Variants in PDE3B observed in about 807,000 individuals in gnomAD.
The protein encoded by PDE3B is phosphodiesterase 3B.
In PDE3B, 66 loss-of-function variants were observed where a neutral mutation model predicts 116.8. The ratio of observed to expected loss-of-function variants is 0.56; its 90% CI spans 0.46 to 0.69. The LOEUF (loss-of-function observed/expected upper bound fraction) is 0.69. PDE3B is among the 30% of genes least tolerant of loss of function. The pLI is 0.00. For synonymous variants in PDE3B, 595 were observed against 533.6 expected (o/e 1.12, Z -1.59); for missense variants, 1,384 against 1,368.1 (o/e 1.01, Z -0.18).
intron 2 of PDE3B, among the ~76,000 whole-genome samples, chr11:14,780,405 A>T (rs1264650511): frequency 6.6e-6 from 1 of 152,198 alleles, no homozygotes. Context: ...AATTGACCAC[A>T]TAGTTGGAAG....
chr11:14,850,115 G>T (rs1040810728), intron 12 of PDE3B, among the ~76,000 whole-genome samples: 17 of 152,212 alleles, frequency 1.1e-4, no homozygotes, highest in Middle Eastern at 3.4e-3. Flanking sequence ...TAGACTGGAT[G>T]AAGAAAATGT....
At chr11:14,820,307 G>A (rs1203126294) in intron 7 of PDE3B, among the ~76,000 whole-genome samples, 1 of 149,418 alleles carries the variant, frequency 6.7e-6, no homozygotes, top group East Asian at 2.0e-4. Flanking sequence ...GATACATGCT[G>A]CAACATAGAT....
chr11:14,794,290 C>A (rs1475197950), intron 4 of PDE3B, among the ~76,000 whole-genome samples: 1 of 151,202 alleles, frequency 6.6e-6, no homozygotes, highest in African/African-American at 2.4e-5. Flanking sequence ...AGCTAGGTGT[C>A]CTATAATTCA....
rs549247214 is a variant in PDE3B at position 14,715,228 on chromosome 11, G to C, written c.979-56709G>C. ...AGCTTTTTTCTTTTGGCTTAGGATT[G>C]ACTTGGCGATGCGGGCTCCTTTTTG... On this transcript the variant is annotated intron_variant, in intron 1 of 15. Coordinates refer to ENST00000282096, the MANE Select transcript of PDE3B (RefSeq NM_000922.4). 5.6e-4 allele frequency among the ~76,000 whole-genome samples: 85 copies of C among 152,306 alleles called. 1 individual carries two copies. In the Middle Eastern group the frequency reaches 0.02, roughly 37 times the overall value.
intron 1 of PDE3B, among the ~76,000 whole-genome samples, chr11:14,742,654 A>G (rs187159685): frequency 6.4e-4 from 97 of 152,224 alleles, no homozygotes; most frequent in African/African-American, 2.3e-3. Context: ...TTTAGAGGAG[A>G]AGAGGCGTTG....
chr11:14,672,034 T>A lies in PDE3B; in HGVS notation c.978+26981T>A, dbSNP rs1244119465. Among the ~76,000 whole-genome samples, 518 of 144,874 alleles carry A rather than the reference T, an allele frequency of 3.6e-3. 5 individuals are homozygous for A. The highest frequency in any genetic ancestry group is 6.0e-3 in the Non-Finnish European group (398 of 66,490). The stretch of plus-strand genomic sequence containing the variant: ...CTTGTCTTGAAAAAAAAAAAATATA[T>A]ATATATATATACATATATATATGTA... On this transcript the variant is annotated intron_variant, in intron 1 of 15. Transcript: ENST00000282096.
At chr11:14,810,468 T>C (rs2133941688) in intron 5 of PDE3B, among the ~76,000 whole-genome samples, 1 of 152,196 alleles carries the variant, frequency 6.6e-6, no homozygotes, top group South Asian at 2.1e-4. Flanking sequence ...ATTTCCAATT[T>C]CATCCATGTC....
At chr11:14,852,456 T>C (rs953842464) in intron 12 of PDE3B, among the ~76,000 whole-genome samples, 11 of 152,222 alleles carry the variant, frequency 7.2e-5, no homozygotes, top group African/African-American at 2.7e-4. Context: ...CACATGAAGA[T>C]AATTTAAAAC....
the PDE3B span, chr11:14,891,975 C>T: frequency 1.2e-6 from 2 of 1,612,676 alleles, no homozygotes; most frequent in Non-Finnish European, 8.5e-7. Context: ...CCCGTCGGGG[C>T]TGTACCTCTC....
intron 4 of PDE3B, among the ~76,000 whole-genome samples, chr11:14,803,456 A>G (rs1430092575): frequency 6.6e-6 from 1 of 152,208 alleles, no homozygotes; most frequent in Non-Finnish European, 1.5e-5. Context: ...CAGAAACTCC[A>G]TCATATAAGA....
At chr11:14,771,146 G>A (rs1030785046) in intron 1 of PDE3B, among the ~76,000 whole-genome samples, 4 of 151,630 alleles carry the variant, frequency 2.6e-5, no homozygotes, top group Admixed American at 1.3e-4. Flanking sequence ...ATTCAATACA[G>A]GTTCAAAGCT....
intron 11 of PDE3B, among the ~76,000 whole-genome samples, chr11:14,836,596 T>C (rs1024004830): frequency 1.3e-5 from 2 of 152,236 alleles, no homozygotes; most frequent in African/African-American, 4.8e-5. Flanking sequence ...ATTAGTTTCC[T>C]ATTGCTGCTG....
the PDE3B span, chr11:14,891,945 G>A: frequency 6.2e-7 from 1 of 1,604,192 alleles, no homozygotes; most frequent in Non-Finnish European, 8.5e-7. Flanking sequence ...GGCCAGCCTG[G>A]CGGCCCTCCC....
intron 4 of PDE3B, among the ~76,000 whole-genome samples, chr11:14,799,417 G>T (rs1858671366): frequency 6.6e-6 from 1 of 152,184 alleles, no homozygotes; most frequent in African/African-American, 2.4e-5. Flanking sequence ...TGTTGATTTG[G>T]GGTGGAGAGT....
intron 1 of PDE3B, among the ~76,000 whole-genome samples, chr11:14,759,011 A>G (rs1443116474): frequency 2.0e-5 from 3 of 152,082 alleles, no homozygotes; most frequent in East Asian, 1.9e-4. Context: ...CTTTTTCTGC[A>G]TCTATTGAGA....
intron 15 of PDE3B, among the ~76,000 whole-genome samples, chr11:14,869,112 G>A (rs991903682): frequency 6.6e-6 from 1 of 152,026 alleles, no homozygotes; most frequent in African/African-American, 2.4e-5. Flanking sequence ...TTAACTTTGG[G>A]TTATTTTCAT....
At chr11:14,833,342 T>A (rs1460771172) in intron 10 of PDE3B, among the ~76,000 whole-genome samples, 2 of 152,258 alleles carry the variant, frequency 1.3e-5, no homozygotes, top group Non-Finnish European at 2.9e-5. Context: ...GTCTGTTTTT[T>A]GTTAACATTT....
In PDE3B at chr11:14,644,859, G is replaced by T; in HGVS notation, c.784G>T (p.Gly262Trp). 6.2e-7 allele frequency: 1 copy of T among 1,613,488 alleles called. No homozygotes were observed. The highest frequency in any genetic ancestry group is 1.7e-5 in the Admixed American group (1 of 59,896). Reference protein sequence around the residue: ...VGGAGCLLALGLDHFFQIREA... With the variant: ...VGGAGCLLALWLDHFFQIREA... ...GGGCGCTGGCTGCCTGCTGGCCCTG[G>T]GGTTGGATCACTTCTTTCAAATCAG... is the stretch of plus-strand genomic sequence containing the variant. The change falls in exon 1 of 16, where the codon GGG becomes TGG. Residue 262 changes from glycine to tryptophan, a missense_variant. Gly to Trp is a radical substitution (Grantham distance 184). Coordinates refer to ENST00000282096, the MANE Select transcript of PDE3B (RefSeq NM_000922.4).
chr11:14,734,684 A>G (rs551603488), intron 1 of PDE3B, among the ~76,000 whole-genome samples: 22 of 152,306 alleles, frequency 1.4e-4, no homozygotes, highest in Admixed American at 9.8e-4. Context: ...TAAATGAGTT[A>G]TTATGAAAAA....
Sources: allele counts gnomAD v4.1 joint callset (sites outside exome capture counted in the v4.1 genomes callset), GRCh38; gene constraint gnomAD v4.1.1; transcripts MANE v1.5; gene names NCBI Gene and HGNC (gene_info 2026-07-23, HGNC 2026-07-21).